The following PCDHA10 variants were observed in gnomAD, a reference collection of about 807,000 sequenced individuals.
The protein encoded by PCDHA10 is protocadherin alpha 10.
Under a neutral mutation model 61.2 loss-of-function variants are expected in PCDHA10, and 45 were observed. The ratio of observed to expected loss-of-function variants is 0.74; its 90% CI spans 0.58 to 0.94. The LOEUF is 0.94. Ranked by LOEUF, PCDHA10 falls within the 40% of genes least tolerant of loss-of-function variation. PCDHA10 has a pLI of 0.00. For missense variants in PCDHA10, 1,278 were observed against 1,236.2 expected (o/e 1.03, Z -0.51); for synonymous variants, 602 against 548.8 (o/e 1.10, Z -1.35).
chr5:140,912,260 C>T (rs1451576363), intron 1 of PCDHA10, among the ~76,000 whole-genome samples: 2 of 152,160 alleles, frequency 1.3e-5, no homozygotes, highest in African/African-American at 4.8e-5. Context: ...TTTGATGACA[C>T]CCTCACAGAT....
At chr5:140,985,216 C>T (rs1009954667) in intron 3 of PCDHA10, among the ~76,000 whole-genome samples, 1 of 152,186 alleles carries the variant, frequency 6.6e-6, no homozygotes, top group South Asian at 2.1e-4. Context: ...GGATTACAGG[C>T]GTGAGCCACC....
rs562721543 is a variant in PCDHA10, at chr5:140,968,426, A to G, written c.2389-10523A>G. ...CTTTGTGACTGTGGAGGCTCAGGAC[A>G]AGGGGAGCCCACCACTGAGCAGCAC... On this transcript the variant is annotated intron_variant, in intron 1 of 3. Transcript: ENST00000307360. 135 of 1,614,020 alleles carry G rather than the reference A, an allele frequency of 8.4e-5. 2 individuals carry two copies. In the South Asian group the frequency reaches 1.4e-3, roughly 16 times the overall value.
Position 140,877,369 on chromosome 5 carries a change from A to C in PCDHA10, c.2388+18933A>C, listed in dbSNP as rs201135340. 6.4e-5 allele frequency: 103 copies of C among 1,614,000 alleles called. No homozygotes were observed. The African/African-American group carries it at 1.3e-3, about 20-fold the overall frequency. ...GGGGCTGTACACTGGCGAGATCAGC[A>C]CGACACGCATCCTGGATGAGGCGGA... On this transcript the variant is annotated intron_variant, in intron 1 of 3. Transcript: ENST00000307360.
At chr5:140,969,601 T>C (rs2096345611) in intron 1 of PCDHA10, 1 of 772,836 alleles carries the variant, frequency 1.3e-6, no homozygotes, top group African/African-American at 1.8e-5. Flanking sequence ...TATTTAATGC[T>C]AAAACACAGA....
At chr5:140,963,220 G>A (rs2095749091) in intron 1 of PCDHA10, among the ~76,000 whole-genome samples, 2 of 152,122 alleles carry the variant, frequency 1.3e-5, no homozygotes, top group East Asian at 1.9e-4. Flanking sequence ...CGTGTTTAGA[G>A]TAGACACTGT....
At chr5:140,963,957 A>T (rs1585999636) in intron 1 of PCDHA10, among the ~76,000 whole-genome samples, 1 of 152,230 alleles carries the variant, frequency 6.6e-6, no homozygotes. Flanking sequence ...CACTGGCAGG[A>T]GTGTGACTGA....
chr5:140,971,050 C>G (rs2096454255), intron 1 of PCDHA10, among the ~76,000 whole-genome samples: 1 of 152,146 alleles, frequency 6.6e-6, no homozygotes, highest in South Asian at 2.1e-4. Context: ...AAGGGTTTAG[C>G]TTTAAATAAG....
intron 1 of PCDHA10, among the ~76,000 whole-genome samples, chr5:140,945,198 C>T (rs1563212846): frequency 6.6e-6 from 1 of 151,982 alleles, no homozygotes; most frequent in Non-Finnish European, 1.5e-5. Flanking sequence ...ATGCTATTTA[C>T]AATAGCTATG....
intron 1 of PCDHA10, among the ~76,000 whole-genome samples, chr5:140,940,564 T>C (rs1481591678): frequency 2.0e-5 from 3 of 152,228 alleles, no homozygotes; most frequent in Non-Finnish European, 4.4e-5. Flanking sequence ...TTCTCCTACC[T>C]TGGCTCCCAA....
chr5:140,928,690 A>AT lies in PCDHA10; in HGVS notation c.2389-50258dup, dbSNP rs2085447249. On this transcript the variant is annotated intron_variant, in intron 1 of 3. Transcript: ENST00000307360. ...TTCTAATGCCTGGCTTTCCTACCAC[A>AT]TCTCCCGGGCGTCTGACTCTAGTCT... 6 of 1,614,180 alleles carry AT rather than the reference A, an allele frequency of 3.7e-6. No homozygotes were observed. The African/African-American group carries it at 4.0e-5, about 11-fold the overall frequency.
chr5:140,966,234 C>T (rs77272068), intron 1 of PCDHA10: 2,919 of 290,608 alleles, frequency 0.01, 77 homozygotes, highest in African/African-American at 0.056. Context: ...CTTAAAGACC[C>T]GTTAAGCAGG....
chr5:140,982,708 C>G (rs550422492), intron 3 of PCDHA10, 145 bp downstream of exon 3: 1 of 1,373,770 alleles, frequency 7.3e-7, no homozygotes, highest in African/African-American at 1.5e-5. Flanking sequence ...GATTTCCTTA[C>G]ATATATGATT....
intron 1 of PCDHA10, chr5:140,927,491 T>G (rs2084266726): frequency 1.2e-6 from 2 of 1,614,118 alleles, no homozygotes; most frequent in Non-Finnish European, 1.7e-6. Flanking sequence ...GCCACCCACC[T>G]GCTGGTGCTT....
intron 1 of PCDHA10, chr5:140,870,343 C>G (rs375366430): frequency 1.7e-5 from 28 of 1,614,042 alleles, no homozygotes; most frequent in Non-Finnish European, 2.2e-5. Context: ...CGCCCTGGAC[C>G]GCGAGAACGT....
At chr5:140,995,819 C>T (rs1045622508) in intron 3 of PCDHA10, among the ~76,000 whole-genome samples, 1 of 152,088 alleles carries the variant, frequency 6.6e-6, no homozygotes, top group African/African-American at 2.4e-5. Flanking sequence ...AGGGAGATAG[C>T]CTGGCATTGC....
intron 1 of PCDHA10, among the ~76,000 whole-genome samples, chr5:140,950,285 C>T (rs1314594266): frequency 1.3e-5 from 2 of 151,926 alleles, no homozygotes; most frequent in African/African-American, 4.8e-5. Context: ...TTTGCTTCAA[C>T]CTGAAAAACT....
At chr5:140,871,117 G>T in intron 1 of PCDHA10, 2 of 1,613,286 alleles carry the variant, frequency 1.2e-6, no homozygotes, top group Non-Finnish European at 1.7e-6. Flanking sequence ...GGTGGAGAGC[G>T]GACAGGCGCC....
intron 3 of PCDHA10, among the ~76,000 whole-genome samples, chr5:140,999,527 C>G (rs578180518): frequency 6.6e-6 from 1 of 152,088 alleles, no homozygotes; most frequent in Non-Finnish European, 1.5e-5. Context: ...TTGTTACCCC[C>G]TGGATATGAC....
chr5:140,883,171 A>G, intron 1 of PCDHA10: 7 of 1,614,008 alleles, frequency 4.3e-6, no homozygotes, highest in Non-Finnish European at 5.9e-6. Flanking sequence ...ACAATGGAGA[A>G]ATTAGGACAA....
Sources: allele counts gnomAD v4.1 joint callset (sites outside exome capture counted in the v4.1 genomes callset), GRCh38; gene constraint gnomAD v4.1.1; transcripts MANE v1.5; gene names NCBI Gene and HGNC (gene_info 2026-07-23, HGNC 2026-07-21).